Variants in ADAMTS19 observed in about 807,000 individuals in gnomAD.
The protein encoded by ADAMTS19 is ADAM metallopeptidase with thrombospondin type 1 motif 19, also known as A disintegrin and metalloproteinase with thrombospondin motifs 19.
A neutral mutation model predicts 153.3 loss-of-function variants in ADAMTS19; 93 were observed. The observed-to-expected ratio is 0.61, with a 90% CI of 0.51 to 0.72. The LOEUF (loss-of-function observed/expected upper bound fraction) is 0.72, where lower values mean the gene tolerates loss of function less well. Ranked by LOEUF, ADAMTS19 falls within the 30% of genes least tolerant of loss-of-function variation. The pLI is 0.00. For missense variants in ADAMTS19, 1,482 were observed against 1,552.1 expected, an observed-to-expected ratio of 0.95 and a Z score of 0.76; for synonymous variants, 600 against 556.6, an observed-to-expected ratio of 1.08 and a Z score of -1.10.
intron 8 of ADAMTS19, among the ~76,000 whole-genome samples, chr5:129,600,431 A>G (rs1258941501): frequency 6.6e-6 from 1 of 151,180 alleles, no homozygotes; most frequent in Non-Finnish European, 1.5e-5. Context: ...TTAGAATGAC[A>G]GAATGATTCC....
At chr5:129,705,149 G>A (rs201712102) in intron 21 of ADAMTS19, among the ~76,000 whole-genome samples, 6 of 30,416 alleles carry the variant, frequency 2.0e-4, no homozygotes, top group African/African-American at 4.1e-4. Flanking sequence ...ATTATATACT[G>A]ACTATCATGA....
intron 10 of ADAMTS19, among the ~76,000 whole-genome samples, chr5:129,635,449 T>C (rs180764673): frequency 3.5e-4 from 53 of 152,338 alleles, no homozygotes; most frequent in Admixed American, 2.9e-3. Flanking sequence ...TAAAGACACA[T>C]GCATGTATGT....
intron 17 of ADAMTS19, among the ~76,000 whole-genome samples, chr5:129,680,288 C>A (rs1171599509): frequency 6.6e-6 from 1 of 152,058 alleles, no homozygotes; most frequent in Non-Finnish European, 1.5e-5. Context: ...CCATGAATGG[C>A]CATTATCTGA....
intron 7 of ADAMTS19, among the ~76,000 whole-genome samples, chr5:129,565,800 T>C (rs1179983325): frequency 1.3e-5 from 2 of 152,122 alleles, no homozygotes; most frequent in African/African-American, 2.4e-5. Flanking sequence ...CTTCCAAATC[T>C]GGATGTGAAG....
At position 129,626,296 on chromosome 5, in the gene ADAMTS19, T is replaced by G. The variant is rs1357527285; in HGVS notation, c.1770+3948T>G. Among the ~76,000 whole-genome samples, 6 of 152,220 alleles carry G rather than the reference T, an allele frequency of 3.9e-5. No homozygotes were observed. In the East Asian group the frequency reaches 1.2e-3, roughly 29 times the overall value. On this transcript the variant is annotated intron_variant, in intron 10 of 22. Transcript: ENST00000274487. The stretch of plus-strand genomic sequence containing the variant: ...GATCAGATCTCATATTTAAACTAAT[T>G]TTTTTGTCTCCTATAGCACCTATAC...
intron 7 of ADAMTS19, among the ~76,000 whole-genome samples, chr5:129,567,375 T>C (rs1753753835): frequency 1.3e-5 from 2 of 152,124 alleles, no homozygotes; most frequent in South Asian, 4.1e-4. Flanking sequence ...ACCCAACAGA[T>C]GCCAATTCTG....
At chr5:129,619,871 AAAAT>A (rs935818930) in intron 8 of ADAMTS19, among the ~76,000 whole-genome samples, 2 of 152,102 alleles carry the variant, frequency 1.3e-5, no homozygotes, top group African/African-American at 4.8e-5. Context: ...GGAAAGGAAA[AAAAT>A]AAATGATGAC....
chr5:129,631,603 GTCT>G (rs975439067), intron 10 of ADAMTS19, among the ~76,000 whole-genome samples: 4 of 151,914 alleles, frequency 2.6e-5, no homozygotes, highest in Non-Finnish European at 4.4e-5. Context: ...TTATGAAAAA[GTCT>G]TCTTTATCAC....
intron 11 of ADAMTS19, among the ~76,000 whole-genome samples, chr5:129,646,513 A>G (rs771697583): frequency 7.2e-5 from 11 of 152,344 alleles, no homozygotes; most frequent in Admixed American, 1.3e-4. Context: ...AATAAATATC[A>G]GAATGAACAG....
Position 129,686,069 on chromosome 5 carries a change from T to C in ADAMTS19, c.2818+1796T>C, listed in dbSNP as rs556617695. ...TTAGATAATGAATGAAATGGGTATG[T>C]GTATTTTGATTATCTGGAGTAATAG... On this transcript the variant is annotated intron_variant, in intron 18 of 22. Transcript: ENST00000274487. Among the ~76,000 whole-genome samples the C allele has an allele frequency of 6.6e-4, 100 of 152,296 alleles. 1 individual carries two copies. Among genetic ancestry groups the C allele is most frequent in the African/African-American group, 2.3e-3 (97 of 41,570 alleles).
intron 15 of ADAMTS19, among the ~76,000 whole-genome samples, chr5:129,664,543 AG>A (rs1048770499): frequency 6.6e-6 from 1 of 151,964 alleles, no homozygotes; most frequent in African/African-American, 2.4e-5. Flanking sequence ...CACTACCACC[AG>A]GGGGGGTATA....
chr5:129,460,567 C>G (rs578240022), intron 1 of ADAMTS19, 85 bp downstream of exon 1: 1 of 1,489,160 alleles, frequency 6.7e-7, no homozygotes, highest in African/African-American at 1.4e-5. Flanking sequence ...GCTGGTGCAA[C>G]CGGTGCGTGG....
intron 10 of ADAMTS19, among the ~76,000 whole-genome samples, chr5:129,630,678 T>C (rs1034529857): frequency 4.6e-5 from 7 of 152,026 alleles, no homozygotes; most frequent in African/African-American, 1.4e-4. Flanking sequence ...TTTTTTTTAA[T>C]AGGACACCAG....
intron 17 of ADAMTS19, among the ~76,000 whole-genome samples, chr5:129,681,392 G>A (rs1156324715): frequency 6.6e-6 from 1 of 152,144 alleles, no homozygotes; most frequent in African/African-American, 2.4e-5. Context: ...AAGGTGAGTG[G>A]TGTGTGTACC....
intron 6 of ADAMTS19, among the ~76,000 whole-genome samples, chr5:129,537,803 C>G (rs1752506498): frequency 6.6e-6 from 1 of 151,954 alleles, no homozygotes; most frequent in Non-Finnish European, 1.5e-5. Flanking sequence ...GGAGGGATAG[C>G]ATTAGGAGAT....
intron 14 of ADAMTS19, among the ~76,000 whole-genome samples, chr5:129,655,384 C>G (rs372066542): frequency 6.6e-6 from 1 of 152,148 alleles, no homozygotes; most frequent in African/African-American, 2.4e-5. Flanking sequence ...TAGATAGTTT[C>G]TGATAAACCT....
intron 7 of ADAMTS19, among the ~76,000 whole-genome samples, chr5:129,590,771 A>T (rs944197877): frequency 1.3e-5 from 2 of 152,202 alleles, no homozygotes; most frequent in Admixed American, 6.5e-5. Context: ...TTTGAATTTA[A>T]TCATGTAAAT....
chr5:129,619,353 C>T (rs757378294), intron 8 of ADAMTS19, among the ~76,000 whole-genome samples: 4 of 152,014 alleles, frequency 2.6e-5, no homozygotes, highest in Non-Finnish European at 4.4e-5. Flanking sequence ...ATTTCTACCA[C>T]ATTTGGTTGT....
At chr5:129,689,418 CT>C (rs751301274) in intron 18 of ADAMTS19, among the ~76,000 whole-genome samples, 20 of 152,168 alleles carry the variant, frequency 1.3e-4, no homozygotes, top group Admixed American at 5.9e-4. Context: ...GTGATTTGTT[CT>C]GTTTTTACTT....
Sources: allele counts gnomAD v4.1 joint callset (sites outside exome capture counted in the v4.1 genomes callset), GRCh38; gene constraint gnomAD v4.1.1; transcripts MANE v1.5; gene names NCBI Gene and HGNC (gene_info 2026-07-23, HGNC 2026-07-21).